Variants in CDK1 observed in about 807,000 individuals in gnomAD.
CDK1 encodes the protein cyclin dependent kinase 1, also known as cyclin-dependent kinase 1.
In CDK1, 5 loss-of-function variants were observed where a neutral mutation model predicts 34.6. The ratio of observed to expected loss-of-function variants is 0.14; its 90% CI spans 0.08 to 0.30. The LOEUF is 0.30. CDK1 is among the 10% of genes least tolerant of loss of function. CDK1 has a pLI of 1.00. For missense variants in CDK1, 157 were observed against 345.7 expected (o/e 0.45, Z 4.33); for synonymous variants, 108 against 114.7 (o/e 0.94, Z 0.37).
At chr10:60,787,118 G>A in intron 4 of CDK1, 1 of 966,304 alleles carries the variant, frequency 1.0e-6, no homozygotes, top group Non-Finnish European at 1.2e-6. Context: ...GGCAACAATG[G>A]TTTTACTTAC....
At chr10:60,780,436 T>A (rs2080263401) in intron 2 of CDK1, among the ~76,000 whole-genome samples, 1 of 152,182 alleles carries the variant, frequency 6.6e-6, no homozygotes, top group African/African-American at 2.4e-5. Flanking sequence ...TCTTACAGTC[T>A]TCTGATACTA....
chr10:60,793,176 C>A (rs1332648680), intron 7 of CDK1, among the ~76,000 whole-genome samples: 2 of 152,034 alleles, frequency 1.3e-5, no homozygotes, highest in African/African-American at 4.8e-5. Flanking sequence ...GACATTAATA[C>A]CTACTTTTAG....
At chr10:60,781,533 C>T (rs758221599) in intron 2 of CDK1, among the ~76,000 whole-genome samples, 3 of 152,076 alleles carry the variant, frequency 2.0e-5, no homozygotes, top group Non-Finnish European at 2.9e-5. Flanking sequence ...TTGTTATGAG[C>T]GCTTTAACTC....
At chr10:60,779,354 C>A (rs1008893721) in intron 1 of CDK1, among the ~76,000 whole-genome samples, 4 of 151,916 alleles carry the variant, frequency 2.6e-5, no homozygotes, top group Admixed American at 6.6e-5. Context: ...CATTGGCAAA[C>A]TTCAGAGGAA....
intron 2 of CDK1, among the ~76,000 whole-genome samples, chr10:60,780,720 A>G (rs980166991): frequency 7.2e-5 from 11 of 152,180 alleles, no homozygotes; most frequent in African/African-American, 2.2e-4. Context: ...TTCTAAAATT[A>G]TAACTTATGT....
At chr10:60,788,373 T>A in intron 5 of CDK1, 143 bp downstream of exon 5, 2 of 507,570 alleles carry the variant, frequency 3.9e-6, no homozygotes, top group South Asian at 1.1e-4. Context: ...AGCTCCAAAT[T>A]CATTGCATGC....
intron 1 of CDK1, among the ~76,000 whole-genome samples, chr10:60,779,092 G>A (rs895804803): frequency 6.6e-6 from 1 of 152,208 alleles, no homozygotes; most frequent in Non-Finnish European, 1.5e-5. Context: ...GGCTTGCTCT[G>A]CCCACGGCCC....
intron 2 of CDK1, 38 bp downstream of exon 2, chr10:60,780,240 T>C (rs763717103): frequency 4.9e-6 from 5 of 1,017,542 alleles, no homozygotes; most frequent in Non-Finnish European, 6.3e-6. Flanking sequence ...ATGGAATGAT[T>C]TAACAATGCT....
intron 7 of CDK1, among the ~76,000 whole-genome samples, chr10:60,792,545 CA>C (rs1416506257): frequency 3.0e-5 from 2 of 66,560 alleles, no homozygotes; most frequent in Admixed American, 1.7e-4. Context: ...GATTAATACA[CA>C]TTTTTTTTTT....
chr10:60,788,907 T>C (rs555251888), intron 5 of CDK1, among the ~76,000 whole-genome samples: 1 of 152,242 alleles, frequency 6.6e-6, no homozygotes. Flanking sequence ...TGTTAGTCTT[T>C]ATCATTTTTT....
intron 7 of CDK1, among the ~76,000 whole-genome samples, chr10:60,792,779 A>T (rs1233188489): frequency 6.6e-6 from 1 of 152,068 alleles, no homozygotes; most frequent in Admixed American, 6.6e-5. Flanking sequence ...TTACTTTCAG[A>T]GTGTAAAGAC....
At chr10:60,793,453 G>A (rs1050249481) in intron 7 of CDK1, among the ~76,000 whole-genome samples, 2 of 152,008 alleles carry the variant, frequency 1.3e-5, no homozygotes, top group Non-Finnish European at 2.9e-5. Context: ...GTGCTATGGG[G>A]GGTTTTGGAA....
rs560032080 is a variant in CDK1 at position 60,787,594 on chromosome 10, A to G, written c.319-466A>G. 20 of 152,216 alleles carry G rather than the reference A, an allele frequency of 1.3e-4. 1 individual carries two copies. Among genetic ancestry groups the G allele is most frequent in the African/African-American group, 4.8e-4 (20 of 41,570 alleles). 9.4% of individuals were successfully genotyped at this position (152,216 alleles called of 1,614,324 possible). A position where few individuals can be genotyped will look rare whatever the true frequency, so the allele number is the denominator to read the frequency against. ...TCTCTGAACTAAGCAGCATTTTATGATAATTTTATCCATTGAAATATATAA... is the reference window on the plus strand; with the variant it reads ...TCTCTGAACTAAGCAGCATTTTATGGTAATTTTATCCATTGAAATATATAA... On this transcript the variant is annotated intron_variant, in intron 4 of 7. Coordinates refer to ENST00000395284, the MANE Select transcript of CDK1 (RefSeq NM_001786.5).
chr10:60,787,383 C>T (rs1475361144), intron 4 of CDK1, among the ~76,000 whole-genome samples: 1 of 152,030 alleles, frequency 6.6e-6, no homozygotes, highest in Non-Finnish European at 1.5e-5. Flanking sequence ...ATGAGTTTAA[C>T]CAGATGGATC....
intron 4 of CDK1, chr10:60,786,568 T>C (rs2080318223): frequency 5.8e-6 from 1 of 171,918 alleles, no homozygotes; most frequent in Non-Finnish European, 1.2e-5. Flanking sequence ...TATGCAACTT[T>C]ATAGGATAAA....
At chr10:60,785,226 G>T (rs897558764) in intron 3 of CDK1, among the ~76,000 whole-genome samples, 1 of 152,120 alleles carries the variant, frequency 6.6e-6, no homozygotes, top group African/African-American at 2.4e-5. Context: ...AAATGAAAAA[G>T]ATTTTTTTTC....
In CDK1 at chr10:60,794,407, A is replaced by G. The variant is rs1473528236; in HGVS notation, c.*432A>G. On this transcript the variant is annotated 3_prime_UTR_variant, in exon 8 of 8. Transcript: ENST00000395284. The stretch of plus-strand genomic sequence containing the variant: ...TCAGTTTCTTGCCATGTTGTTAACT[A>G]TACAACCTGGCTAAAGATGAATATT... 1 of 152,524 alleles carries G rather than the reference A, an allele frequency of 6.6e-6. No homozygotes were observed. Among genetic ancestry groups the G allele is most frequent in the African/African-American group, 2.4e-5 (1 of 41,470 alleles). The allele number at this position is 152,524 out of a possible 1,614,324, so 9.4% of individuals were successfully genotyped here. A position where few individuals can be genotyped will look rare whatever the true frequency, so the allele number is the denominator to read the frequency against.
At chr10:60,791,257 A>G (rs2080357949) in intron 5 of CDK1, among the ~76,000 whole-genome samples, 1 of 151,870 alleles carries the variant, frequency 6.6e-6, no homozygotes, top group Non-Finnish European at 1.5e-5. Context: ...ATTTATTCCT[A>G]GGTTTTTTGT....
chr10:60,786,081 G>T, intron 4 of CDK1: 2 of 1,031,996 alleles, frequency 1.9e-6, no homozygotes, highest in Non-Finnish European at 2.3e-6. Context: ...GTAAAACAAA[G>T]TAATGAAAGC....
Sources: gnomAD v4.1 joint callset for allele counts (sites outside exome capture counted in the v4.1 genomes callset) on GRCh38, gnomAD v4.1.1 for gene constraint, MANE v1.5 for transcripts, NCBI Gene and HGNC (gene_info 2026-07-23, HGNC 2026-07-21) for gene names.